Variants in DGKB observed in about 807,000 individuals in gnomAD.
DGKB encodes the protein diacylglycerol kinase beta.
Under a neutral mutation model 114.3 loss-of-function variants are expected in DGKB, and 67 were observed. The ratio of observed to expected loss-of-function variants is 0.59; its 90% CI spans 0.48 to 0.72. DGKB has a LOEUF of 0.72. DGKB is among the 30% of genes least tolerant of loss of function. DGKB has a pLI of 0.00. For missense variants in DGKB, 907 were observed against 975.2 expected (o/e 0.93, Z 0.93); for synonymous variants, 398 against 323.1 (o/e 1.23, Z -2.49).
chr7:14,469,675 A>G (rs1217320633), intron 21 of DGKB, among the ~76,000 whole-genome samples: 1 of 152,048 alleles, frequency 6.6e-6, no homozygotes, highest in East Asian at 1.9e-4. Context: ...GTCCTGACTC[A>G]TTTAACCATT....
At chr7:14,161,338 A>C (rs139405168) in intron 25 of DGKB, among the ~76,000 whole-genome samples, 6,777 of 152,304 alleles carry the variant, frequency 0.044, 248 homozygotes, top group East Asian at 0.14. Context: ...ATTATAAATC[A>C]TTCTACTATA....
At chr7:14,667,209 A>C (rs2128936521) in intron 13 of DGKB, among the ~76,000 whole-genome samples, 1 of 152,086 alleles carries the variant, frequency 6.6e-6, no homozygotes, top group South Asian at 2.1e-4. Context: ...GAAGGCTGAG[A>C]AGGGTGGTAC....
intron 21 of DGKB, among the ~76,000 whole-genome samples, chr7:14,452,922 A>G (rs1831735858): frequency 6.6e-6 from 1 of 152,136 alleles, no homozygotes; most frequent in Admixed American, 6.6e-5. Flanking sequence ...AACCAATATC[A>G]CATGCCCTAT....
chr7:14,552,071 A>T (rs1348871882), intron 20 of DGKB, among the ~76,000 whole-genome samples: 1 of 152,150 alleles, frequency 6.6e-6, no homozygotes, highest in Non-Finnish European at 1.5e-5. Flanking sequence ...TATATTTAAT[A>T]TTAAACAACA....
intron 1 of DGKB, among the ~76,000 whole-genome samples, chr7:14,953,252 C>T (rs763378402): frequency 9.2e-5 from 14 of 151,824 alleles, no homozygotes; most frequent in Non-Finnish European, 1.6e-4. Context: ...AGAACATCAT[C>T]AAAAAAACTG....
At chr7:14,424,206 C>A (rs995937088) in intron 21 of DGKB, among the ~76,000 whole-genome samples, 35 of 152,012 alleles carry the variant, frequency 2.3e-4, no homozygotes, top group Non-Finnish European at 2.4e-4. Flanking sequence ...GTGGCCTGAA[C>A]CTCTGCTCTT....
At chr7:14,633,169 G>A (rs993178914) in intron 13 of DGKB, among the ~76,000 whole-genome samples, 22 of 151,882 alleles carry the variant, frequency 1.4e-4, no homozygotes, top group African/African-American at 4.8e-4. Flanking sequence ...CTGATAGAGA[G>A]CAAGTGAGGT....
intron 14 of DGKB, among the ~76,000 whole-genome samples, chr7:14,623,419 G>C (rs1320679577): frequency 6.6e-6 from 1 of 152,124 alleles, no homozygotes; most frequent in Non-Finnish European, 1.5e-5. Flanking sequence ...GGTATTTAGA[G>C]TGATCATTGC....
At chr7:14,857,550 G>A (rs888897940) in intron 1 of DGKB, among the ~76,000 whole-genome samples, 1 of 152,060 alleles carries the variant, frequency 6.6e-6, no homozygotes, top group African/African-American at 2.4e-5. Flanking sequence ...AAAACATAAA[G>A]TAATAGAATG....
chr7:14,355,535 T>A (rs1033279318), intron 21 of DGKB, among the ~76,000 whole-genome samples: 10 of 152,196 alleles, frequency 6.6e-5, no homozygotes, highest in African/African-American at 2.2e-4. Flanking sequence ...ACTGAGATAA[T>A]CATGTGGTTT....
intron 8 of DGKB, among the ~76,000 whole-genome samples, chr7:14,695,600 C>T (rs532242488): frequency 3.6e-4 from 52 of 144,764 alleles, no homozygotes; most frequent in African/African-American, 9.2e-4. Context: ...CCTGGGTTCA[C>T]GCCATTCTCC....
chr7:14,377,665 C>T lies in DGKB; in HGVS notation c.1836-32274G>A, dbSNP rs971637257. On this transcript the variant is annotated intron_variant, in intron 21 of 25. Transcript: ENST00000402815. ...ATATTGAAACAGTGTATATCCAAAC[C>T]GTATACCTAGCTTGGCCCCCAAGAT... 5.3e-5 allele frequency among the ~76,000 whole-genome samples: 8 copies of T among 152,112 alleles called. No homozygotes were observed. The South Asian group carries it at 6.2e-4, about 12-fold the overall frequency.
chr7:14,470,603 T>C (rs1335781766), intron 21 of DGKB, among the ~76,000 whole-genome samples: 2 of 151,832 alleles, frequency 1.3e-5, no homozygotes, highest in African/African-American at 4.8e-5. Context: ...TTCCTACAAA[T>C]GTGATTCTAC....
At chr7:14,605,417 C>A (rs1271220750) in intron 17 of DGKB, among the ~76,000 whole-genome samples, 1 of 146,882 alleles carries the variant, frequency 6.8e-6, no homozygotes, top group African/African-American at 2.5e-5. Flanking sequence ...TGTATGAATA[C>A]GTTATAGATA....
At chr7:14,180,972 C>A (rs1455632541) in intron 23 of DGKB, among the ~76,000 whole-genome samples, 1 of 152,082 alleles carries the variant, frequency 6.6e-6, no homozygotes, top group Non-Finnish European at 1.5e-5. Context: ...GTGTGAGCAG[C>A]AAAAGATGGC....
chr7:14,960,825 C>T (rs1427830176), intron 1 of DGKB, among the ~76,000 whole-genome samples: 1 of 152,042 alleles, frequency 6.6e-6, no homozygotes, highest in Non-Finnish European at 1.5e-5. Flanking sequence ...TCTTATCTTC[C>T]TCCCAGATGT....
At chr7:14,719,506 G>A (rs575400913) in intron 5 of DGKB, among the ~76,000 whole-genome samples, 1 of 144,100 alleles carries the variant, frequency 6.9e-6, no homozygotes, top group Non-Finnish European at 1.5e-5. Context: ...TATCCCTTGA[G>A]GGATATATGG....
At chr7:14,904,024 A>G (rs879413125), upstream of DGKB, among the ~76,000 whole-genome samples, 5 of 152,168 alleles carry the variant, frequency 3.3e-5, no homozygotes, top group Admixed American at 3.3e-4. Flanking sequence ...TGCTCTCCTT[A>G]TTGGCTGCTC....
chr7:14,438,657 A>C (rs577986380), intron 21 of DGKB, among the ~76,000 whole-genome samples: 169 of 152,232 alleles, frequency 1.1e-3, no homozygotes, highest in Middle Eastern at 3.4e-3. Context: ...ACTATAGATA[A>C]CAGCATAGTT....
Sources: allele counts gnomAD v4.1 joint callset (sites outside exome capture counted in the v4.1 genomes callset), GRCh38; gene constraint gnomAD v4.1.1; transcripts MANE v1.5; gene names NCBI Gene and HGNC (gene_info 2026-07-23, HGNC 2026-07-21).